CTNNA2: variants seen among roughly 807,000 people sequenced by gnomAD.
CTNNA2 encodes catenin alpha-2.
CTNNA2 carries 42 observed loss-of-function variants against 101.0 expected under a neutral mutation model. The observed-to-expected ratio is 0.42, with a 90% CI of 0.32 to 0.54. CTNNA2 has a LOEUF of 0.54. Among genes scored for constraint, CTNNA2 ranks in the 20% least tolerant of loss-of-function variants. The probability of loss-of-function intolerance (pLI) is 0.14; values close to 1 mark genes in which losing one functional copy is unlikely to be tolerated. For missense variants in CTNNA2, 871 were observed against 1,223.1 expected, an observed-to-expected ratio of 0.71 and a Z score of 4.29; for synonymous variants, 450 against 456.4, an observed-to-expected ratio of 0.99 and a Z score of 0.18.
Position 79,278,793 on chromosome 2 carries a change from C to T in CTNNA2, c.-405-33916C>T, listed in dbSNP as rs546468026. Reference sequence around the variant, plus strand: ...CTGACTGGGTTATCCAAGTTGAAGCCATCAGGCAATACATCAGAGAAAAGA... The same window carrying T: ...CTGACTGGGTTATCCAAGTTGAAGCTATCAGGCAATACATCAGAGAAAAGA... On this transcript the variant is annotated intron_variant, in intron 2 of 21. Transcript: ENST00000466387. 8.2e-4 allele frequency among the ~76,000 whole-genome samples: 125 copies of T among 152,164 alleles called. 1 individual carries two copies. Among genetic ancestry groups the T allele is most frequent in the African/African-American group, 2.9e-3 (121 of 41,534 alleles).
intron 2 of CTNNA2, among the ~76,000 whole-genome samples, chr2:79,279,504 G>T (rs1013868102): frequency 6.6e-6 from 1 of 152,076 alleles, no homozygotes; most frequent in Non-Finnish European, 1.5e-5. Flanking sequence ...TGACACAAAG[G>T]CACAGGATGT....
chr2:80,426,813 C>G (rs1681040120), intron 9 of CTNNA2, among the ~76,000 whole-genome samples: 1 of 151,894 alleles, frequency 6.6e-6, no homozygotes, highest in South Asian at 2.1e-4. Context: ...TACTCCCTCC[C>G]ATCCTAGACC....
At chr2:79,408,550 C>T (rs1481651226) in intron 4 of CTNNA2, among the ~76,000 whole-genome samples, 5 of 149,630 alleles carry the variant, frequency 3.3e-5, no homozygotes, top group South Asian at 2.1e-4. Flanking sequence ...TGAGAACATG[C>T]GGTATTTGGT....
At chr2:79,956,843 G>GTTTTTTTTGTCTT (rs1689257655) in intron 7 of CTNNA2, among the ~76,000 whole-genome samples, 1 of 98,936 alleles carries the variant, frequency 1.0e-5, no homozygotes, top group Non-Finnish European at 1.8e-5. Context: ...ATACGTGTGG[G>GTTTTTTTTGTCTT]TTTTTTTTTT....
At chr2:79,765,369 C>T (rs146282739) in intron 3 of CTNNA2, among the ~76,000 whole-genome samples, 124 of 152,182 alleles carry the variant, frequency 8.1e-4, no homozygotes, top group Middle Eastern at 3.4e-3. Flanking sequence ...ATCTGCATTC[C>T]CTGACTTCAC....
intron 3 of CTNNA2, among the ~76,000 whole-genome samples, chr2:79,807,203 T>A (rs1676646342): frequency 6.6e-6 from 1 of 152,186 alleles, no homozygotes; most frequent in African/African-American, 2.4e-5. Flanking sequence ...GGAATTATTT[T>A]TCTTTTGTGT....
intron 7 of CTNNA2, among the ~76,000 whole-genome samples, chr2:80,375,474 C>T (rs567576528): frequency 6.6e-6 from 1 of 152,052 alleles, no homozygotes; most frequent in South Asian, 2.1e-4. Flanking sequence ...GACTTGAACC[C>T]ATAACATGGT....
chr2:80,628,938 A>T (rs1671980241), intron 18 of CTNNA2, among the ~76,000 whole-genome samples: 1 of 152,140 alleles, frequency 6.6e-6, no homozygotes, highest in South Asian at 2.1e-4. Flanking sequence ...GACTTTCAGT[A>T]GCTGGCTATA....
chr2:80,582,370 C>A (rs567851723), intron 14 of CTNNA2, among the ~76,000 whole-genome samples: 4 of 152,190 alleles, frequency 2.6e-5, no homozygotes, highest in African/African-American at 9.6e-5. Context: ...TGTCTACTCC[C>A]ATGGTGGTAT....
In CTNNA2 at chr2:79,578,326, A is replaced by C. The variant is rs544799562; in HGVS notation, c.-6+65119A>C. The stretch of plus-strand genomic sequence containing the variant: ...ATAAGGTTCGAATATTTCCTCCCAG[A>C]GAATAACCTGCCATTTATTCTTTAA... On this transcript the variant is annotated intron_variant, in intron 1 of 18. Coordinates refer to ENST00000402739, the MANE Select transcript of CTNNA2 (RefSeq NM_001282597.3). Among the ~76,000 whole-genome samples, 63 of 152,238 alleles carry C rather than the reference A, an allele frequency of 4.1e-4. 2 individuals are homozygous for C. The East Asian group carries it at 0.01, about 25-fold the overall frequency.
intron 3 of CTNNA2, among the ~76,000 whole-genome samples, chr2:79,770,706 T>C (rs533551835): frequency 6.6e-6 from 1 of 152,326 alleles, no homozygotes; most frequent in African/African-American, 2.4e-5. Flanking sequence ...AAGAGAGATA[T>C]ATATGTTCTT....
At chr2:80,070,862 A>G (rs910144207) in intron 7 of CTNNA2, among the ~76,000 whole-genome samples, 2 of 152,084 alleles carry the variant, frequency 1.3e-5, no homozygotes, top group Non-Finnish European at 2.9e-5. Flanking sequence ...CCTTGGCCAT[A>G]TAACTCCAGT....
chr2:79,282,066 G>T (rs1393866982), intron 2 of CTNNA2, among the ~76,000 whole-genome samples: 1 of 151,874 alleles, frequency 6.6e-6, no homozygotes, highest in Non-Finnish European at 1.5e-5. Flanking sequence ...AATTTTTTAG[G>T]TTGATCTTCA....
chr2:79,762,877 A>G (rs142928814), intron 3 of CTNNA2, among the ~76,000 whole-genome samples: 109 of 152,292 alleles, frequency 7.2e-4, no homozygotes, highest in Middle Eastern at 3.4e-3. Context: ...ACACAATTTT[A>G]TGGTGGCGAT....
chr2:79,799,110 A>C (rs1675952597), intron 3 of CTNNA2, among the ~76,000 whole-genome samples: 1 of 151,970 alleles, frequency 6.6e-6, no homozygotes, highest in African/African-American at 2.4e-5. Flanking sequence ...TCCTGCCTAT[A>C]GTTTTGGGAA....
intron 18 of CTNNA2, among the ~76,000 whole-genome samples, chr2:80,631,779 C>G (rs867515244): frequency 6.6e-6 from 1 of 152,090 alleles, no homozygotes; most frequent in African/African-American, 2.4e-5. Flanking sequence ...ACAGGTCATG[C>G]GCTTGAATCC....
At chr2:80,154,827 A>T (rs947107434) in intron 7 of CTNNA2, among the ~76,000 whole-genome samples, 6 of 152,218 alleles carry the variant, frequency 3.9e-5, no homozygotes, top group Admixed American at 6.5e-5. Flanking sequence ...TTAATTTCCT[A>T]AATTCCTTTA....
chr2:80,543,762 A>G (rs1691787252), intron 9 of CTNNA2, among the ~76,000 whole-genome samples: 1 of 152,178 alleles, frequency 6.6e-6, no homozygotes, highest in Non-Finnish European at 1.5e-5. Flanking sequence ...TGGGTGGTAC[A>G]TTCTAAAATC....
chr2:80,598,086 G>T (rs1697140973), intron 15 of CTNNA2, among the ~76,000 whole-genome samples: 1 of 152,088 alleles, frequency 6.6e-6, no homozygotes, highest in African/African-American at 2.4e-5. Context: ...ACTGGATAAA[G>T]AAAATCTAGC....
Sources: allele counts gnomAD v4.1 joint callset (sites outside exome capture counted in the v4.1 genomes callset), GRCh38; gene constraint gnomAD v4.1.1; transcripts MANE v1.5; gene names NCBI Gene and HGNC (gene_info 2026-07-23, HGNC 2026-07-21).